The following DGLUCY variants were observed in gnomAD, a reference collection of about 807,000 sequenced individuals.
DGLUCY encodes the protein D-glutamate cyclase, mitochondrial.
In DGLUCY, 58 loss-of-function variants were observed where a neutral mutation model predicts 58.5. The ratio of observed to expected loss-of-function variants is 0.99; its 90% confidence interval spans 0.80 to 1.23. The LOEUF is 1.23. DGLUCY is among the 50% of genes most tolerant of loss of function. The pLI is 0.00. For missense variants in DGLUCY, 779 were observed against 784.7 expected (o/e 0.99, Z 0.09); for synonymous variants, 325 against 314.1 (o/e 1.03, Z -0.37).
At chr14:91,206,577 T>C (rs1884738237) in intron 12 of DGLUCY, among the ~76,000 whole-genome samples, 1 of 151,914 alleles carries the variant, frequency 6.6e-6, no homozygotes, top group Non-Finnish European at 1.5e-5. Flanking sequence ...GAGACGGGGT[T>C]TCGCCATGTT....
chr14:91,216,955 C>T (rs891532290), intron 13 of DGLUCY, among the ~76,000 whole-genome samples: 5 of 152,216 alleles, frequency 3.3e-5, no homozygotes, highest in African/African-American at 1.2e-4. Context: ...GAGGTGGCAG[C>T]GGGACTGGCC....
At chr14:91,121,622 A>G (rs1595684257) in intron 1 of DGLUCY, among the ~76,000 whole-genome samples, 1 of 138,042 alleles carries the variant, frequency 7.2e-6, no homozygotes, top group East Asian at 2.0e-4. Flanking sequence ...TAATAATAAT[A>G]ATAATAATAA....
At chr14:91,176,528 T>A (rs1276323558) in intron 7 of DGLUCY, among the ~76,000 whole-genome samples, 3 of 152,044 alleles carry the variant, frequency 2.0e-5, no homozygotes, top group Non-Finnish European at 4.4e-5. Context: ...CTGGCCTGGT[T>A]TCCTTCTTTT....
intron 13 of DGLUCY, among the ~76,000 whole-genome samples, chr14:91,216,786 A>G (rs566043486): frequency 6.6e-6 from 1 of 152,272 alleles, no homozygotes; most frequent in South Asian, 2.1e-4. Context: ...TGCAGACCCC[A>G]TGCTCCGAAG....
chr14:91,065,080 T>G (rs2043798814), intron 1 of DGLUCY, among the ~76,000 whole-genome samples: 1 of 152,150 alleles, frequency 6.6e-6, no homozygotes, highest in Non-Finnish European at 1.5e-5. Flanking sequence ...TGCACACATG[T>G]AGGAAGAGTT....
At chr14:91,123,009 A>G (rs1245286255) in intron 1 of DGLUCY, among the ~76,000 whole-genome samples, 14 of 152,200 alleles carry the variant, frequency 9.2e-5, no homozygotes, top group Non-Finnish European at 2.1e-4. Flanking sequence ...GATAAGACAC[A>G]GTCCCTGTCT....
chr14:91,210,387 C>G (rs1304517007), intron 12 of DGLUCY, among the ~76,000 whole-genome samples: 2 of 152,050 alleles, frequency 1.3e-5, no homozygotes, highest in African/African-American at 4.8e-5. Flanking sequence ...AAAAAATTAG[C>G]TGAGCATGGT....
chr14:91,200,604 T>A (rs2050493294), intron 11 of DGLUCY, among the ~76,000 whole-genome samples: 1 of 151,884 alleles, frequency 6.6e-6, no homozygotes, highest in South Asian at 2.1e-4. Context: ...TGAGACAGAG[T>A]CTCACTCTGT....
chr14:91,201,663 C>T lies in DGLUCY; in HGVS notation c.1444+1758C>T, dbSNP rs199570692. Among the ~76,000 whole-genome samples, 7 of 152,154 alleles carry T rather than the reference C, an allele frequency of 4.6e-5. No individual in the cohort carries two copies. In the East Asian group the frequency reaches 9.7e-4, roughly 21 times the overall value. On this transcript the variant is annotated intron_variant, in intron 11 of 13. Transcript: ENST00000256324. ...CTCACTATATTGCTCAGCCTGGTCT[C>T]GAACTCCTGAGCTCAAGCTATCTTC...
At position 91,108,526 on chromosome 14, in the gene DGLUCY, T is replaced by TGA. The variant is rs1194090963; in HGVS notation, c.-82+498_-82+499dup. Among the ~76,000 whole-genome samples, 63 of 52,172 alleles carry TGA rather than the reference T, an allele frequency of 1.2e-3. 1 individual carries two copies. Among genetic ancestry groups the TGA allele is most frequent in the East Asian group, 2.6e-3 (3 of 1,140 alleles). The allele number at this position is 52,172 out of a possible 152,430, so 34.2% of individuals were successfully genotyped here. A position where few individuals can be genotyped will look rare whatever the true frequency, so the allele number is the denominator to read the frequency against. On this transcript the variant is annotated intron_variant, in intron 1 of 4. Coordinates refer to the DGLUCY transcript ENST00000518871. Reference sequence around the variant, plus strand: ...GTGTGTGTGTGTGTGTGTGTGTGTGTGAGAGAGAGAGAGAGAGAGAGAGAG... The same window carrying TGA: ...GTGTGTGTGTGTGTGTGTGTGTGTGTGAGAGAGAGAGAGAGAGAGAGAGAGAG...
intron 1 of DGLUCY, among the ~76,000 whole-genome samples, chr14:91,076,313 T>C (rs2044021329): frequency 1.3e-5 from 2 of 152,174 alleles, no homozygotes; most frequent in South Asian, 4.1e-4. Flanking sequence ...GTATGAAATA[T>C]AATATTTGCA....
At chr14:91,206,374 C>G (rs1884706744) in intron 12 of DGLUCY, among the ~76,000 whole-genome samples, 1 of 151,986 alleles carries the variant, frequency 6.6e-6, no homozygotes, top group Middle Eastern at 3.2e-3. Context: ...GGTCCATTTG[C>G]TACAGTTTCT....
chr14:91,201,773 C>G (rs1475697863), intron 11 of DGLUCY, among the ~76,000 whole-genome samples: 1 of 151,762 alleles, frequency 6.6e-6, no homozygotes, highest in Non-Finnish European at 1.5e-5. Context: ...ATAATATGGT[C>G]TGGGCGTGGT....
intron 9 of DGLUCY, among the ~76,000 whole-genome samples, chr14:91,193,237 C>T (rs906272928): frequency 6.6e-6 from 1 of 152,186 alleles, no homozygotes; most frequent in Non-Finnish European, 1.5e-5. Flanking sequence ...GGGCTGCCGA[C>T]GGCGTAGAGC....
intron 1 of DGLUCY, chr14:91,060,765 G>C (rs1179983671): frequency 1.4e-5 from 3 of 218,392 alleles, no homozygotes; most frequent in African/African-American, 4.6e-5. Flanking sequence ...GTCTGCCAAC[G>C]CCGGTTCCCA....
In DGLUCY at chr14:91,199,727, C is replaced by T. The variant is rs765271595; in HGVS notation, c.1296-30C>T. ...AAAGCAGCCACCTCTCCATAGGACC[C>T]TCTGACCTCTGACCTTTGCTTCCCG... On this transcript the variant is annotated intron_variant, in intron 10 of 13. Transcript: ENST00000256324. The T allele has an allele frequency of 3.1e-6, 5 of 1,612,926 alleles. No homozygotes were observed. The Admixed American group carries it at 5.0e-5, about 16-fold the overall frequency.
In DGLUCY at chr14:91,062,608, T is replaced by TACA. The variant is rs2043748823; in HGVS notation, c.-82+1905_-82+1906insCAA. On this transcript the variant is annotated intron_variant, in intron 1 of 4. Coordinates refer to the DGLUCY transcript ENST00000521334. ...ATATATATATATATATATATATATA[T>TACA]ATAAACAATCCTTAGCTCAAGGGCA... Among the ~76,000 whole-genome samples, 4 of 28,032 alleles carry TACA rather than the reference T, an allele frequency of 1.4e-4. No homozygotes were observed. The East Asian group carries it at 5.0e-3, about 35-fold the overall frequency. 18.4% of individuals were successfully genotyped at this position (28,032 alleles called of 152,430 possible).
intron 1 of DGLUCY, among the ~76,000 whole-genome samples, chr14:91,068,807 C>T (rs2043869617): frequency 6.6e-6 from 1 of 152,206 alleles, no homozygotes; most frequent in Non-Finnish European, 1.5e-5. Flanking sequence ...AGGAAACTCT[C>T]AGAACCTCAA....
At chr14:91,129,100 G>C (rs1252123318) in intron 1 of DGLUCY, among the ~76,000 whole-genome samples, 2 of 150,374 alleles carry the variant, frequency 1.3e-5, no homozygotes, top group Non-Finnish European at 3.0e-5. Context: ...AGGGGACCCA[G>C]TTCTATTCCT....
Sources: allele counts gnomAD v4.1 joint callset (sites outside exome capture counted in the v4.1 genomes callset), GRCh38; gene constraint gnomAD v4.1.1; transcripts MANE v1.5; gene names NCBI Gene and HGNC (gene_info 2026-07-23, HGNC 2026-07-21).